Variants in TRMT2B observed in about 807,000 individuals in gnomAD.
TRMT2B encodes tRNA (uracil-5-)-methyltransferase homolog B.
In TRMT2B, 34 loss-of-function variants were observed where a neutral mutation model predicts 39.7. That is an observed-to-expected ratio of 0.86 (90% CI 0.65 to 1.14). The LOEUF (loss-of-function observed/expected upper bound fraction) is 1.14. Among genes scored for constraint, TRMT2B ranks in the 50% most tolerant of loss-of-function variants. TRMT2B has a pLI of 0.00. For missense variants in TRMT2B, 318 were observed against 377.2 expected, an observed-to-expected ratio of 0.84 and a Z score of 1.30; for synonymous variants, 132 against 137.3, an observed-to-expected ratio of 0.96 and a Z score of 0.27.
intron 11 of TRMT2B, among the ~76,000 whole-genome samples, chrX:101,019,619 C>G (rs2086692352): frequency 9.2e-6 from 1 of 108,487 alleles, no homozygotes; most frequent in African/African-American, 3.3e-5. Flanking sequence ...TCAGCTTGAG[C>G]AACTAGTGTT....
chrX:101,012,221 AGCAT>A (rs1472413353), intron 13 of TRMT2B, among the ~76,000 whole-genome samples: 1 of 110,801 alleles, frequency 9.0e-6, no homozygotes, highest in African/African-American at 3.3e-5. Context: ...TGTTTACACC[AGCAT>A]GACCACAAAC....
Position 101,051,658 on chromosome X carries a change from G to A in TRMT2B, c.-431C>T. Reference sequence around the variant, plus strand: ...CCGTACACGACCTTGCGCAGTCACCGTCGGGTCCCGTCTCCAGCCCCGCCT... The same window carrying A: ...CCGTACACGACCTTGCGCAGTCACCATCGGGTCCCGTCTCCAGCCCCGCCT... On this transcript the variant is annotated 5_prime_UTR_variant, in exon 2 of 14. It adds an upstream start codon to the 5' untranslated region. Coordinates refer to ENST00000372936, the MANE Select transcript of TRMT2B (RefSeq NM_024917.6). The A allele has an allele frequency of 1.3e-6, 1 of 755,046 alleles. No homozygotes were observed. Among genetic ancestry groups the A allele is most frequent in the Non-Finnish European group, 1.6e-6 (1 of 639,615 alleles). The allele number at this position is 755,046 out of a possible 1,213,427, so 62.2% of individuals were successfully genotyped here.
At chrX:101,008,558 G>C (rs780835018), downstream of TRMT2B, among the ~76,000 whole-genome samples, 1 of 111,527 alleles carries the variant, frequency 9.0e-6, no homozygotes, top group African/African-American at 3.3e-5. Flanking sequence ...GAGGCGGAGA[G>C]GTTGCAGTGA....
At position 101,051,308 on chromosome X, in the gene TRMT2B, T is replaced by C. The variant is rs1174418353; in HGVS notation, c.-81A>G. The C allele has an allele frequency of 1.3e-6, 1 of 751,716 alleles. No homozygotes were observed. The highest frequency in any genetic ancestry group is 1.6e-6 in the Non-Finnish European group (1 of 638,986). The allele number at this position is 751,716 out of a possible 1,213,427, so 61.9% of individuals were successfully genotyped here. ...AATGTTCACCCACCGACAAGGGTCC[T>C]GCTTGCACTCTCTGCTCACCCTTCC... On this transcript the variant is annotated 5_prime_UTR_variant, in exon 2 of 14. Transcript: ENST00000372936.
chrX:101,044,236 C>T (rs770300370), intron 2 of TRMT2B, among the ~76,000 whole-genome samples: 52 of 93,881 alleles, frequency 5.5e-4, no homozygotes, highest in African/African-American at 1.8e-3. Flanking sequence ...AGCGAGACTC[C>T]GTCTCAAAAA....
At chrX:101,023,736 A>C in intron 7 of TRMT2B, 120 bp from the exon 8 acceptor site, 1 of 638,426 alleles carries the variant, frequency 1.6e-6, no homozygotes, top group East Asian at 3.6e-5. Context: ...TTGAAGCCTT[A>C]ACCACCAGTA....
At chrX:101,015,616 C>T (rs2086472797) in intron 13 of TRMT2B, 1 of 747,516 alleles carries the variant, frequency 1.3e-6, no homozygotes, top group African/African-American at 2.3e-5. Context: ...GTGGTGCAGT[C>T]TCAGCTTACC....
the TRMT2B span, among the ~76,000 whole-genome samples, chrX:100,980,619 G>A: frequency 2.7e-5 from 3 of 111,457 alleles, no homozygotes; most frequent in South Asian, 3.8e-4. Flanking sequence ...GCAAGACAAA[G>A]TCCTTTTTAC....
At chrX:100,985,857 G>A in the TRMT2B span, 1 of 1,209,521 alleles carries the variant, frequency 8.3e-7, no homozygotes, top group Non-Finnish European at 1.1e-6. Context: ...TGCAGGAAGT[G>A]AAGATCATCT....
chrX:100,988,851 CAT>C, the TRMT2B span, among the ~76,000 whole-genome samples: 25,875 of 79,246 alleles, frequency 0.33, 3,395 homozygotes, highest in East Asian at 0.37. Context: ...TAATATATCT[CAT>C]ATATATATAT....
In TRMT2B at chrX:101,010,683, A is replaced by C. The variant is rs747421582; in HGVS notation, c.1413T>G (p.Ala471=). 12 of 1,209,373 alleles carry C rather than the reference A, an allele frequency of 9.9e-6. No homozygotes were observed. The highest frequency in any genetic ancestry group is 2.3e-4 in the Middle Eastern group (1 of 4,314). Residue 471 remains alanine (A), a synonymous_variant, in exon 14 of 14, where the codon GCT becomes GCG. Transcript: ENST00000372936. ...CAAAGGGCTCGCCTAAGAGCTTCTT[A>C]GCAGGGTCTGGAGGACAGCACAGCC... is the stretch of plus-strand genomic sequence containing the variant. ...VIELCCPPDP[A]KKLLGEPFVL...
chrX:101,048,113 T>TATAC (rs372280380), intron 2 of TRMT2B, among the ~76,000 whole-genome samples: 1 of 90,399 alleles, frequency 1.1e-5, no homozygotes, highest in South Asian at 6.0e-4. Context: ...TTTATACACA[T>TATAC]ACACACACAC....
chrX:101,043,566 T>C (rs189019987), intron 2 of TRMT2B: 1 of 112,458 alleles, frequency 8.9e-6, no homozygotes, highest in African/African-American at 3.2e-5. Flanking sequence ...TGAAACTCCA[T>C]CTCAAATAAC....
the TRMT2B span, among the ~76,000 whole-genome samples, chrX:100,976,837 A>C: frequency 8.9e-6 from 1 of 112,479 alleles, no homozygotes; most frequent in Non-Finnish European, 1.9e-5. Context: ...ACTTCAGGTG[A>C]TCCACCCGCC....
chrX:101,048,151 C>G lies in TRMT2B; in HGVS notation c.-24+3100G>C, dbSNP rs111917350. 6.9e-3 allele frequency among the ~76,000 whole-genome samples: 715 copies of G among 103,224 alleles called. 2 individuals carry two copies. Among genetic ancestry groups the G allele is most frequent in the Middle Eastern group, 0.015 (3 of 203 alleles). The allele number at this position is 103,224 out of a possible 115,157, so 89.6% of individuals were successfully genotyped here. A position where few individuals can be genotyped will look rare whatever the true frequency, so the allele number is the denominator to read the frequency against. On this transcript the variant is annotated intron_variant, in intron 2 of 13. Coordinates refer to ENST00000372936, the MANE Select transcript of TRMT2B (RefSeq NM_024917.6). ...ACACACACACACACACACACACACA[C>G]AGAGAAAATTATTGCTAAATTAACA... is the stretch of plus-strand genomic sequence containing the variant.
chrX:100,988,653 C>T, the TRMT2B span: 1 of 702,454 alleles, frequency 1.4e-6, no homozygotes, highest in African/African-American at 2.3e-5. Flanking sequence ...GAATTTCTTT[C>T]CTCACTCTAT....
In TRMT2B at chrX:101,051,867, G is replaced by A; in HGVS notation, c.-557C>T. ...CGGATGGCCTGGTTTGCTGCGGCGG[G>A]GAAACAGTCACTTCCTGGTGCGCAA... On this transcript the variant is annotated 5_prime_UTR_variant, in exon 1 of 14. Coordinates refer to ENST00000372936, the MANE Select transcript of TRMT2B (RefSeq NM_024917.6). 4.2e-6 allele frequency: 1 copy of A among 236,013 alleles called. No individual in the cohort carries two copies. The highest frequency in any genetic ancestry group is 6.1e-6 in the Non-Finnish European group (1 of 165,103). 19.5% of individuals were successfully genotyped at this position (236,013 alleles called of 1,213,427 possible). A position where few individuals can be genotyped will look rare whatever the true frequency, so the allele number is the denominator to read the frequency against.
intron 2 of TRMT2B, among the ~76,000 whole-genome samples, chrX:101,048,860 T>C (rs1028434861): frequency 2.7e-5 from 3 of 112,604 alleles, no homozygotes; most frequent in Non-Finnish European, 5.6e-5. Flanking sequence ...TGAGAACACC[T>C]ATCTTTCACA....
downstream of TRMT2B, among the ~76,000 whole-genome samples, chrX:101,007,512 C>T (rs1264382626): frequency 9.1e-6 from 1 of 110,227 alleles, no homozygotes; most frequent in Non-Finnish European, 1.9e-5. Flanking sequence ...AAAAATGAGC[C>T]AGGCATGATG....
Sources: allele counts gnomAD v4.1 joint callset (sites outside exome capture counted in the v4.1 genomes callset), GRCh38; gene constraint gnomAD v4.1.1; transcripts MANE v1.5; gene names NCBI Gene and HGNC (gene_info 2026-07-23, HGNC 2026-07-21).